SORBS2: variants seen among roughly 807,000 people sequenced by gnomAD.
SORBS2 encodes the protein sorbin and SH3 domain containing 2.
A neutral mutation model predicts 97.7 loss-of-function variants in SORBS2; 46 were observed. That is an observed-to-expected ratio of 0.47 (90% CI 0.37 to 0.60). The LOEUF (loss-of-function observed/expected upper bound fraction) is 0.60. Ranked by LOEUF, SORBS2 falls within the 20% of genes least tolerant of loss-of-function variation. The pLI is 0.00. For missense variants in SORBS2, 1,316 were observed against 1,282.3 expected, an observed-to-expected ratio of 1.03 and a Z score of -0.40; for synonymous variants, 476 against 473.4, an observed-to-expected ratio of 1.01 and a Z score of -0.07.
intron 2 of SORBS2, among the ~76,000 whole-genome samples, chr4:185,691,065 A>T (rs1214859066): frequency 1.3e-5 from 2 of 151,818 alleles, no homozygotes; most frequent in Non-Finnish European, 2.9e-5. Context: ...ACACCCAGCT[A>T]ATTTTTTTCT....
At chr4:185,926,246 G>A (rs1454652515) in intron 1 of SORBS2, among the ~76,000 whole-genome samples, 1 of 152,244 alleles carries the variant, frequency 6.6e-6, no homozygotes, top group Non-Finnish European at 1.5e-5. Context: ...CAAGAGGGCC[G>A]TGGTAAGAGG....
chr4:185,638,847 T>TGAA, intron 4 of SORBS2, 30 bp downstream of exon 14: 1 of 1,422,676 alleles, frequency 7.0e-7, no homozygotes, highest in East Asian at 2.9e-5. Flanking sequence ...CTGCCGGGCA[T>TGAA]GAAGAAAGGT....
At chr4:185,667,015 A>C (rs536133940) in intron 4 of SORBS2, among the ~76,000 whole-genome samples, 1 of 152,368 alleles carries the variant, frequency 6.6e-6, no homozygotes, top group Admixed American at 6.5e-5. Context: ...GAAGATGACC[A>C]TTTGAAATTT....
At chr4:185,850,116 AG>A (rs1161243708) in intron 1 of SORBS2, among the ~76,000 whole-genome samples, 1 of 152,220 alleles carries the variant, frequency 6.6e-6, no homozygotes, top group Non-Finnish European at 1.5e-5. Context: ...AATGTGGAGC[AG>A]AGGCGAACCT....
intron 4 of SORBS2, among the ~76,000 whole-genome samples, chr4:185,632,589 C>A (rs747600958): frequency 6.6e-6 from 1 of 152,154 alleles, no homozygotes; most frequent in Non-Finnish European, 1.5e-5. Context: ...ACTGAAGAGC[C>A]TGAGAGCATC....
intron 1 of SORBS2, among the ~76,000 whole-genome samples, chr4:185,851,790 T>C (rs577838937): frequency 7.2e-5 from 11 of 152,168 alleles, no homozygotes; most frequent in Non-Finnish European, 1.2e-4. Flanking sequence ...CCATGCTAGA[T>C]GCTTCCTGCC....
chr4:185,627,094 G>A (rs1319459330), intron 5 of SORBS2, 75 bp from the exon 18 acceptor site: 40 of 1,322,532 alleles, frequency 3.0e-5, no homozygotes, highest in South Asian at 4.8e-5. Flanking sequence ...CCGGTGGAAC[G>A]TGCTAGTGAC....
At chr4:185,661,473 C>T (rs1481726333), upstream of SORBS2, among the ~76,000 whole-genome samples, 2 of 152,146 alleles carry the variant, frequency 1.3e-5, no homozygotes, top group Non-Finnish European at 2.9e-5. Flanking sequence ...GAGGAGAGCT[C>T]TATCTTTCAC....
intron 4 of SORBS2, chr4:185,677,558 C>T: frequency 6.5e-7 from 1 of 1,547,288 alleles, no homozygotes; most frequent in Non-Finnish European, 8.7e-7. Context: ...TAGTTACTAA[C>T]TGGTCTAAAA....
intron 1 of SORBS2, among the ~76,000 whole-genome samples, chr4:185,926,024 C>G (rs1031609314): frequency 1.3e-5 from 2 of 152,168 alleles, no homozygotes; most frequent in African/African-American, 2.4e-5. Context: ...CACACACAGA[C>G]TCGGAGGAGC....
intron 1 of SORBS2, among the ~76,000 whole-genome samples, chr4:185,826,009 T>C (rs2099199561): frequency 6.6e-6 from 1 of 152,168 alleles, no homozygotes; most frequent in African/African-American, 2.4e-5. Flanking sequence ...CAAGCTGGCC[T>C]GAAAGCATTT....
At chr4:185,594,477 T>A (rs537931595) in intron 12 of SORBS2, among the ~76,000 whole-genome samples, 7 of 152,316 alleles carry the variant, frequency 4.6e-5, no homozygotes, top group African/African-American at 1.7e-4. Context: ...CTGTTCTCAA[T>A]GTGGAGAGAA....
At chr4:185,955,617 C>T (rs1465614676) in intron 1 of SORBS2, among the ~76,000 whole-genome samples, 13 of 152,274 alleles carry the variant, frequency 8.5e-5, no homozygotes, top group East Asian at 3.9e-4. Flanking sequence ...GCGCCTAACA[C>T]GCTGATGACT....
At chr4:185,825,854 AAAG>A (rs1430982668) in intron 1 of SORBS2, among the ~76,000 whole-genome samples, 1 of 152,200 alleles carries the variant, frequency 6.6e-6, no homozygotes, top group African/African-American at 2.4e-5. Flanking sequence ...ACTGTGAAGA[AAAG>A]AAGAATGGTT....
At chr4:185,688,720 C>T (rs2153515619) in intron 2 of SORBS2, among the ~76,000 whole-genome samples, 1 of 151,970 alleles carries the variant, frequency 6.6e-6, no homozygotes, top group East Asian at 1.9e-4. Flanking sequence ...AGTAACAATG[C>T]TTTCAAATTC....
intron 1 of SORBS2, among the ~76,000 whole-genome samples, chr4:185,838,418 ATGCGCTGGT>A (rs2153676329): frequency 6.6e-6 from 1 of 152,278 alleles, no homozygotes; most frequent in East Asian, 1.9e-4. Flanking sequence ...CAACTCACGG[ATGCGCTGGT>A]TGCCCCAAGG....
intron 1 of SORBS2, among the ~76,000 whole-genome samples, chr4:185,902,433 G>A (rs970776980): frequency 4.6e-5 from 7 of 152,128 alleles, no homozygotes; most frequent in African/African-American, 1.7e-4. Context: ...TTCCAGCTGT[G>A]CAGTTGGAGA....
intron 1 of SORBS2, among the ~76,000 whole-genome samples, chr4:185,835,483 C>T (rs931265028): frequency 5.3e-5 from 8 of 151,934 alleles, no homozygotes; most frequent in Admixed American, 3.9e-4. Context: ...CATTTTTTCC[C>T]CTGAGGAATC....
chr4:185,657,258 G>A (rs1029652329), upstream of SORBS2: 1 of 538,826 alleles, frequency 1.9e-6, no homozygotes, highest in Admixed American at 4.3e-5. Flanking sequence ...CCCATCAACA[G>A]CTTTCTTTCT....
Sources: allele counts gnomAD v4.1 joint callset (sites outside exome capture counted in the v4.1 genomes callset), GRCh38; gene constraint gnomAD v4.1.1; transcripts MANE v1.5; gene names NCBI Gene and HGNC (gene_info 2026-07-23, HGNC 2026-07-21).